PTPRM: variants seen among roughly 807,000 people sequenced by gnomAD.
PTPRM encodes protein tyrosine phosphatase receptor type M, also known as receptor-type tyrosine-protein phosphatase mu.
A neutral mutation model predicts 186.7 loss-of-function variants in PTPRM; 47 were observed. The observed-to-expected ratio is 0.25, with a 90% CI of 0.20 to 0.32. The LOEUF (loss-of-function observed/expected upper bound fraction) is 0.32, where lower values mean the gene tolerates loss of function less well. Ranked by LOEUF, PTPRM falls within the 10% of genes least tolerant of loss-of-function variation. The pLI, the probability that PTPRM is intolerant of heterozygous loss-of-function variation, is 1.00. For synonymous variants in PTPRM, 668 were observed against 674.9 expected (o/e 0.99, Z 0.16); for missense variants, 1,494 against 1,865.0 (o/e 0.80, Z 3.66).
intron 5 of PTPRM, among the ~76,000 whole-genome samples, chr18:7,927,671 G>A (rs2146813244): frequency 6.6e-6 from 1 of 152,178 alleles, no homozygotes. Context: ...GATTGTGATT[G>A]GAGACTCCGT....
At chr18:8,149,918 C>T (rs565300964) in intron 14 of PTPRM, among the ~76,000 whole-genome samples, 28 of 152,084 alleles carry the variant, frequency 1.8e-4, no homozygotes, top group Non-Finnish European at 3.1e-4. Context: ...CTTAGTTTGG[C>T]GGGATGTGAA....
Position 8,265,390 on chromosome 18 carries a change from G to A in PTPRM, c.2754+11976G>A, listed in dbSNP as rs140423274. Among the ~76,000 whole-genome samples, 888 of 152,304 alleles carry A rather than the reference G, an allele frequency of 5.8e-3. 10 individuals are homozygous for A. Among genetic ancestry groups the A allele is most frequent in the African/African-American group, 0.02 (837 of 41,566 alleles). On this transcript the variant is annotated intron_variant, in intron 19 of 32. Transcript: ENST00000580170. ...AACCAAGCTACAGCTCTTGAGAGCC[G>A]TAGATTCCATGTGCTGCTCTCCTGG...
At chr18:8,001,068 G>A (rs979394723) in intron 7 of PTPRM, among the ~76,000 whole-genome samples, 4 of 152,300 alleles carry the variant, frequency 2.6e-5, no homozygotes, top group African/African-American at 9.6e-5. Context: ...CTGATTGGGG[G>A]CAGAAGAGTG....
At position 8,406,244 on chromosome 18, in the gene PTPRM, A is replaced by G; in HGVS notation, c.*82A>G. 7.8e-7 allele frequency: 1 copy of G among 1,281,546 alleles called. No homozygotes were observed. Among genetic ancestry groups the G allele is most frequent in the Non-Finnish European group, 1.1e-6 (1 of 903,824 alleles). The allele number at this position is 1,281,546 out of a possible 1,614,324, so 79.4% of individuals were successfully genotyped here. On this transcript the variant is annotated 3_prime_UTR_variant, in exon 33 of 33. Coordinates refer to ENST00000580170, the MANE Select transcript of PTPRM (RefSeq NM_001105244.2). ...TGGTATTTGTGCAAAAGAGATGAAG[A>G]CTTCTCAATATGCTTATTTTGCTTT...
intron 1 of PTPRM, among the ~76,000 whole-genome samples, chr18:7,610,476 A>G (rs1415251993): frequency 2.0e-5 from 3 of 152,150 alleles, no homozygotes; most frequent in African/African-American, 7.2e-5. Context: ...TTCTTCAAAA[A>G]TTTTCTGAAC....
intron 14 of PTPRM, among the ~76,000 whole-genome samples, chr18:8,174,971 A>G (rs1023671822): frequency 2.0e-5 from 3 of 152,250 alleles, no homozygotes; most frequent in Admixed American, 1.3e-4. Context: ...ATCACTTTCC[A>G]TTAGCATGGC....
chr18:8,012,700 A>G (rs2084611780), intron 7 of PTPRM, among the ~76,000 whole-genome samples: 1 of 152,224 alleles, frequency 6.6e-6, no homozygotes. Context: ...AAGGTGTACC[A>G]TCTCATTTGA....
intron 14 of PTPRM, among the ~76,000 whole-genome samples, chr18:8,181,441 G>A (rs1212693286): frequency 5.3e-5 from 8 of 152,228 alleles, no homozygotes; most frequent in South Asian, 4.1e-4. Flanking sequence ...TGCGGATCAC[G>A]CACATCAGAG....
intron 23 of PTPRM, among the ~76,000 whole-genome samples, chr18:8,346,770 A>C (rs1460708774): frequency 6.6e-6 from 1 of 151,116 alleles, no homozygotes; most frequent in African/African-American, 2.4e-5. Flanking sequence ...CGCACACCAA[A>C]TCTACCTACT....
At chr18:8,335,562 A>G (rs1194582235) in intron 22 of PTPRM, among the ~76,000 whole-genome samples, 3 of 152,210 alleles carry the variant, frequency 2.0e-5, no homozygotes, top group Non-Finnish European at 4.4e-5. Flanking sequence ...CTAAGACAAA[A>G]TGAGGATTGG....
At chr18:8,399,343 G>T (rs865901885) in intron 32 of PTPRM, among the ~76,000 whole-genome samples, 1 of 152,170 alleles carries the variant, frequency 6.6e-6, no homozygotes, top group Non-Finnish European at 1.5e-5. Context: ...AGTTCAGTTG[G>T]ATGGCGACGT....
intron 4 of PTPRM, among the ~76,000 whole-genome samples, chr18:7,917,007 T>A (rs1055559741): frequency 1.3e-5 from 2 of 152,192 alleles, no homozygotes; most frequent in African/African-American, 4.8e-5. Flanking sequence ...AACTTTATGA[T>A]CTCTCTTACA....
intron 7 of PTPRM, among the ~76,000 whole-genome samples, chr18:8,042,241 T>G (rs1261857050): frequency 6.6e-6 from 1 of 152,248 alleles, no homozygotes; most frequent in Non-Finnish European, 1.5e-5. Context: ...TGTGTAACTA[T>G]TAAGTATGTA....
chr18:7,983,369 A>G (rs1420675932), intron 7 of PTPRM, among the ~76,000 whole-genome samples: 1 of 152,094 alleles, frequency 6.6e-6, no homozygotes, highest in Non-Finnish European at 1.5e-5. Flanking sequence ...GGTTAGTGGG[A>G]AAATTGTCTT....
chr18:8,292,511 C>G (rs1049585697), intron 19 of PTPRM, among the ~76,000 whole-genome samples: 3 of 152,212 alleles, frequency 2.0e-5, no homozygotes, highest in Non-Finnish European at 2.9e-5. Context: ...AAATGCAAGA[C>G]ACCATCACCC....
intron 5 of PTPRM, among the ~76,000 whole-genome samples, chr18:7,930,407 T>C (rs2051415451): frequency 6.6e-6 from 1 of 152,152 alleles, no homozygotes; most frequent in African/African-American, 2.4e-5. Flanking sequence ...TTGCAGTCTT[T>C]TGAGGCCCAC....
intron 1 of PTPRM, among the ~76,000 whole-genome samples, chr18:7,683,205 G>C (rs563967497): frequency 7.2e-6 from 1 of 138,750 alleles, no homozygotes; most frequent in Non-Finnish European, 1.5e-5. Flanking sequence ...TTGCTCTGTC[G>C]CCTAGACTAG....
At chr18:8,177,752 T>C (rs2093507758) in intron 14 of PTPRM, among the ~76,000 whole-genome samples, 1 of 152,148 alleles carries the variant, frequency 6.6e-6, no homozygotes, top group Non-Finnish European at 1.5e-5. Flanking sequence ...TAGAGTACAT[T>C]TGGAAAAGGG....
chr18:8,224,213 G>A, intron 14 of PTPRM, among the ~76,000 whole-genome samples: 1 of 147,090 alleles, frequency 6.8e-6, no homozygotes, highest in Non-Finnish European at 1.5e-5. Flanking sequence ...TTGTGTCTGT[G>A]TCATTTGCTT....
Sources: allele counts gnomAD v4.1 joint callset (sites outside exome capture counted in the v4.1 genomes callset), GRCh38; gene constraint gnomAD v4.1.1; transcripts MANE v1.5; gene names NCBI Gene and HGNC (gene_info 2026-07-23, HGNC 2026-07-21).